The following NDUFAB1 variants were observed in gnomAD, a reference collection of about 807,000 sequenced individuals.
NDUFAB1 encodes NADH:ubiquinone oxidoreductase subunit AB1.
In NDUFAB1, 5 loss-of-function variants were observed where a neutral mutation model predicts 16.1. The ratio of observed to expected loss-of-function variants is 0.31; its 90% confidence interval spans 0.16 to 0.65. The LOEUF (loss-of-function observed/expected upper bound fraction) is 0.65. NDUFAB1 is among the 30% of genes least tolerant of loss of function. The probability of loss-of-function intolerance (pLI) is 0.77; values close to 1 mark genes in which losing one functional copy is unlikely to be tolerated. For synonymous variants in NDUFAB1, 85 were observed against 78.4 expected, an observed-to-expected ratio of 1.08 and a Z score of -0.44; for missense variants, 187 against 205.3, an observed-to-expected ratio of 0.91 and a Z score of 0.54.
At chr16:23,582,971 C>T (rs1277438939) in intron 3 of NDUFAB1, among the ~76,000 whole-genome samples, 1 of 152,276 alleles carries the variant, frequency 6.6e-6, no homozygotes, top group African/African-American at 2.4e-5. Context: ...CACGCGCCGC[C>T]ACGCCTGACT....
intron 3 of NDUFAB1, among the ~76,000 whole-genome samples, chr16:23,584,264 A>AAAAAAAAAAG (rs1178665035): frequency 7.5e-6 from 1 of 134,062 alleles, no homozygotes; most frequent in Non-Finnish European, 1.6e-5. Context: ...TTAAAAAAAA[A>AAAAAAAAAAG]AAAAAAAAAA....
chr16:23,583,736 G>GC (rs565911165), intron 3 of NDUFAB1, among the ~76,000 whole-genome samples: 3,381 of 125,888 alleles, frequency 0.027, 556 homozygotes, highest in African/African-American at 0.062. Flanking sequence ...TCTCCGCCCG[G>GC]CAGCCGCCCC....
chr16:23,587,914 G>T (rs1230112331), intron 1 of NDUFAB1, among the ~76,000 whole-genome samples: 6 of 152,258 alleles, frequency 3.9e-5, no homozygotes, highest in African/African-American at 9.6e-5. Context: ...TTCCCTTCCA[G>T]CGAGGCTTGC....
chr16:23,587,916 G>A (rs749487572), intron 1 of NDUFAB1, among the ~76,000 whole-genome samples: 4 of 152,238 alleles, frequency 2.6e-5, no homozygotes, highest in African/African-American at 9.6e-5. Context: ...CCCTTCCAGC[G>A]AGGCTTGCCT....
At chr16:23,588,706 T>A (rs1966253985) in intron 1 of NDUFAB1, among the ~76,000 whole-genome samples, 1 of 151,972 alleles carries the variant, frequency 6.6e-6, no homozygotes, top group East Asian at 1.9e-4. Flanking sequence ...TGGGCCGATG[T>A]GTGTCTCACA....
chr16:23,592,420 T>C (rs564254320), intron 1 of NDUFAB1, among the ~76,000 whole-genome samples: 4 of 150,552 alleles, frequency 2.7e-5, no homozygotes, highest in South Asian at 2.1e-4. Context: ...TGGGAGATGG[T>C]ACACAGATGA....
chr16:23,596,219 CCGGACCCGGGGCAG>C lies in NDUFAB1; in HGVS notation c.58_71del (p.Leu20AspfsTer36). ...TGAGAGGCCGGGCCACGGCCAGCAT[CCGGACCCGGGGCAG>C]CGGCGCAAAGGCCGCGGGCAGGCGG... On this transcript the variant is annotated frameshift_variant, in exon 1 of 5. Coordinates refer to ENST00000007516, the MANE Select transcript of NDUFAB1 (RefSeq NM_005003.3). LOFTEE classifies it high-confidence loss of function. 1.9e-6 allele frequency: 3 copies of C among 1,609,108 alleles called. No individual in the cohort carries two copies. The highest frequency in any genetic ancestry group is 2.5e-6 in the Non-Finnish European group (3 of 1,178,418).
intron 1 of NDUFAB1, chr16:23,595,482 T>A (rs184893077): frequency 2.3e-6 from 1 of 432,718 alleles, no homozygotes; most frequent in Non-Finnish European, 4.7e-6. Context: ...GCCCTCCTTA[T>A]ACGCGGGGCG....
chr16:23,588,456 A>AAAAAAG (rs1230086641), intron 1 of NDUFAB1, among the ~76,000 whole-genome samples: 2 of 152,126 alleles, frequency 1.3e-5, no homozygotes, highest in Non-Finnish European at 2.9e-5. Flanking sequence ...TCCGTCTCAA[A>AAAAAAG]AAAAAGAAAA....
At position 23,596,187 on chromosome 16, in the gene NDUFAB1, G is replaced by C; in HGVS notation, c.104C>G (p.Ala35Gly). ...MLAVARPLST[A>G]LCSAGTQTRL... ...CGTCTGGGTCCCCGCGGAGCAGAGA[G>C]CGGTGCTGAGAGGCCGGGCCACGGC... is the stretch of plus-strand genomic sequence containing the variant. Residue 35 changes from alanine to glycine, a missense_variant, in exon 1 of 5, where the codon GCT becomes GGT. Physicochemically the swap from Ala to Gly is moderately conservative, Grantham distance 60 (BLOSUM62 0). Around this residue, in one of 3 missense-constraint regions of NDUFAB1, gnomAD observed 135 missense variants for 129.4 expected, o/e 1.04. Coordinates refer to ENST00000007516, the MANE Select transcript of NDUFAB1 (RefSeq NM_005003.3). 1 of 1,611,208 alleles carries C rather than the reference G, an allele frequency of 6.2e-7. No individual in the cohort carries two copies. The highest frequency in any genetic ancestry group is 1.1e-5 in the South Asian group (1 of 90,838).
chr16:23,587,350 A>G (rs1482471277), intron 1 of NDUFAB1, 31 bp from the exon 2 acceptor site: 1 of 1,610,146 alleles, frequency 6.2e-7, no homozygotes, highest in African/African-American at 1.3e-5. Context: ...AAACACTGTC[A>G]TTGAATGGAA....
intron 1 of NDUFAB1, among the ~76,000 whole-genome samples, chr16:23,590,187 A>T (rs1243478679): frequency 6.6e-6 from 1 of 152,246 alleles, no homozygotes; most frequent in Non-Finnish European, 1.5e-5. Context: ...TACAAGGGCC[A>T]GGTGGGCACC....
rs761506924 is a variant in NDUFAB1, at chr16:23,596,110, C to T, written c.168+13G>A. The T allele has an allele frequency of 2.3e-5, 37 of 1,603,584 alleles. No individual in the cohort carries two copies. The highest frequency in any genetic ancestry group is 1.4e-4 in the African/African-American group (10 of 73,538). On this transcript the variant is annotated intron_variant, in intron 1 of 4. Coordinates refer to ENST00000007516, the MANE Select transcript of NDUFAB1 (RefSeq NM_005003.3). ...GACCCTTGCCAAGCGGCAGCAAAGT[C>T]ACCACGAGTCACCTGCGCGAGCACT...
intron 1 of NDUFAB1, among the ~76,000 whole-genome samples, chr16:23,592,321 G>GT (rs1422997072): frequency 1.4e-5 from 2 of 147,630 alleles, no homozygotes; most frequent in East Asian, 4.0e-4. Context: ...TCCAGCCTAA[G>GT]TGACAGAGAC....
chr16:23,587,153 A>G, intron 2 of NDUFAB1, 44 bp downstream of exon 2: 2 of 1,566,486 alleles, frequency 1.3e-6, no homozygotes, highest in South Asian at 2.3e-5. Flanking sequence ...ATGTAATTAA[A>G]TACTCTATAT....
At chr16:23,587,117 GTATC>G (rs1162641927) in intron 2 of NDUFAB1, 76 bp downstream of exon 2, 2 of 1,413,684 alleles carry the variant, frequency 1.4e-6, no homozygotes, top group African/African-American at 2.9e-5. Context: ...TTTTTACTGA[GTATC>G]TTTCCCTTTG....
intron 3 of NDUFAB1, among the ~76,000 whole-genome samples, chr16:23,583,033 G>A (rs1459972674): frequency 6.6e-6 from 1 of 152,286 alleles, no homozygotes; most frequent in African/African-American, 2.4e-5. Context: ...TGGCTGGGCT[G>A]GTCTCCAGCT....
At chr16:23,585,257 T>C (rs1440618696) in intron 3 of NDUFAB1, 79 bp downstream of exon 3, 7 of 1,056,170 alleles carry the variant, frequency 6.6e-6, no homozygotes, top group Non-Finnish European at 1.0e-5. Context: ...CTAATTCCAA[T>C]TCAGACGCCC....
chr16:23,587,208 CA>C lies in NDUFAB1; in HGVS notation c.279del (p.Ile93MetfsTer8). On this transcript the variant is annotated frameshift_variant, in exon 2 of 5. Coordinates refer to ENST00000007516, the MANE Select transcript of NDUFAB1 (RefSeq NM_005003.3). LOFTEE classifies it high-confidence loss of function. ...CCACCATCAGTTACCTTCTCTGGGT[CA>C]ATCTTGTCATAGAGTTTCAATACGT... ...VLYVLKLYDK[I>X]DPEKLSVNSH... The C allele has an allele frequency of 1.2e-6, 2 of 1,613,230 alleles. No individual in the cohort carries two copies. The highest frequency in any genetic ancestry group is 1.7e-6 in the Non-Finnish European group (2 of 1,179,654).
Sources: gnomAD v4.1 joint callset for allele counts (sites outside exome capture counted in the v4.1 genomes callset) on GRCh38, gnomAD v4.1.1 for gene constraint, gnomAD v4.1.1 regional missense constraint, MANE v1.5 for transcripts, NCBI Gene and HGNC (gene_info 2026-07-23, HGNC 2026-07-21) for gene names.